GTPBP4: variants seen among roughly 807,000 people sequenced by gnomAD.
The protein encoded by GTPBP4 is GTP-binding protein 4.
In GTPBP4, 15 loss-of-function variants were observed where a neutral mutation model predicts 81.7. The observed-to-expected ratio is 0.18, with a 90% CI of 0.12 to 0.28. The LOEUF is 0.28. GTPBP4 is among the 10% of genes least tolerant of loss of function. GTPBP4 has a pLI of 1.00. For synonymous variants in GTPBP4, 272 were observed against 274.6 expected (o/e 0.99, Z 0.09); for missense variants, 847 against 793.8 (o/e 1.07, Z -0.81).
rs370212715 is a variant in GTPBP4, at chr10:996,032, A to G, written c.323A>G (p.Asn108Ser). 3.8e-5 allele frequency: 60 copies of G among 1,598,834 alleles called. No individual in the cohort carries two copies. The highest frequency in any genetic ancestry group is 5.0e-5 in the Non-Finnish European group (58 of 1,166,186). The change falls in exon 3 of 17, where the codon AAT becomes AGT. Residue 108 changes from asparagine to serine, a missense_variant and splice_region_variant. By Grantham distance (46) the Asn-to-Ser change is conservative. Coordinates refer to ENST00000360803, the MANE Select transcript of GTPBP4 (RefSeq NM_012341.3). Reference sequence around the variant, plus strand: ...AATATTGCCAAAAATTTAGTGGACAAGTAAGGTACTTTTTTCTGTAGTGTC... The same window carrying G: ...AATATTGCCAAAAATTTAGTGGACAGGTAAGGTACTTTTTTCTGTAGTGTC... ...QINIAKNLVDNVAKDYVRLMK... is the reference protein window; with the variant it reads ...QINIAKNLVDSVAKDYVRLMK...
chr10:1,001,497 T>TGAATCCTACAACCTTTTTA lies in GTPBP4; in HGVS notation c.912+485_912+503dup, dbSNP rs1831629873. 2.0e-5 allele frequency among the ~76,000 whole-genome samples: 3 copies of TGAATCCTACAACCTTTTTA among 152,352 alleles called. No homozygotes were observed. In the South Asian group the frequency reaches 6.2e-4, roughly 32 times the overall value. On this transcript the variant is annotated intron_variant, in intron 8 of 16. Transcript: ENST00000360803. ...GTTGGACATAATTTTTCAAACTGAT[T>TGAATCCTACAACCTTTTTA]GAATCCTACAACCTTTTTAATAGGC...
At position 988,474 on chromosome 10, in the gene GTPBP4, GC is replaced by G. The variant is rs1377679102; in HGVS notation, c.-4del. 2 of 1,612,740 alleles carry G rather than the reference GC, an allele frequency of 1.2e-6. No individual in the cohort carries two copies. The highest frequency in any genetic ancestry group is 1.7e-6 in the Non-Finnish European group (2 of 1,179,296). On this transcript the variant is annotated 5_prime_UTR_variant, in exon 1 of 17. Transcript: ENST00000360803. ...GCCAAGTACCCGCGTGCATACGGCT[GC>G]CGGCATGGCACATTACAACTTCAAG...
intron 2 of GTPBP4, among the ~76,000 whole-genome samples, 197 bp downstream of exon 2, chr10:992,856 G>C (rs138882447): frequency 1.8e-4 from 27 of 152,318 alleles, no homozygotes; most frequent in African/African-American, 6.3e-4. Context: ...TGATTCCCTA[G>C]TATTCTTTCT....
At chr10:996,705 T>A (rs1057243703) in intron 4 of GTPBP4, 5 of 156,836 alleles carry the variant, frequency 3.2e-5, no homozygotes, top group African/African-American at 1.2e-4. Context: ...AAATAATTTT[T>A]AACAAAATTT....
chr10:1,005,383 G>A (rs1039707865), intron 8 of GTPBP4, among the ~76,000 whole-genome samples: 2 of 152,120 alleles, frequency 1.3e-5, no homozygotes, highest in Non-Finnish European at 2.9e-5. Context: ...CTGACCTCAT[G>A]ATCCACCCGC....
At chr10:1,009,077 G>A (rs1831803944) in intron 11 of GTPBP4, 42 bp downstream of exon 11, 2 of 1,441,424 alleles carry the variant, frequency 1.4e-6, no homozygotes, top group Non-Finnish European at 2.0e-6. Flanking sequence ...CATGGGGGGA[G>A]GCAGGCTGTG....
At chr10:1,014,819 G>A (rs1042155043) in intron 15 of GTPBP4, among the ~76,000 whole-genome samples, 4 of 151,534 alleles carry the variant, frequency 2.6e-5, no homozygotes, top group Non-Finnish European at 1.5e-5. Context: ...CTGGGTCTGG[G>A]TTGAAGTGGT....
At position 999,031 on chromosome 10, in the gene GTPBP4, C is replaced by T. The variant is rs1020524639; in HGVS notation, c.590C>T (p.Pro197Leu). ...KVTRADVDVQPYAFTTKSLFV... is the reference protein window; with the variant it reads ...KVTRADVDVQLYAFTTKSLFV... ...ACGAGAGCAGACGTGGATGTCCAGC[C>T]CTATGCGTTCACAACCAAGTCTCTG... is the stretch of plus-strand genomic sequence containing the variant. Residue 197 changes from proline (P) to leucine (L), a missense_variant, in exon 6 of 17, where the codon CCC (proline) becomes CTC (leucine). Pro to Leu is a moderately conservative substitution (Grantham distance 98). Coordinates refer to ENST00000360803, the MANE Select transcript of GTPBP4 (RefSeq NM_012341.3). The T allele has an allele frequency of 6.2e-6, 10 of 1,608,058 alleles. No individual in the cohort carries two copies. The highest frequency in any genetic ancestry group is 4.0e-5 in the African/African-American group (3 of 74,842).
intron 5 of GTPBP4, among the ~76,000 whole-genome samples, chr10:998,479 C>T (rs1238298222): frequency 6.6e-6 from 1 of 152,230 alleles, no homozygotes; most frequent in African/African-American, 2.4e-5. Context: ...ACCAGCAAAG[C>T]TCTGCAGGGT....
chr10:999,841 C>T (rs879632186), intron 6 of GTPBP4, among the ~76,000 whole-genome samples: 8 of 152,162 alleles, frequency 5.3e-5, no homozygotes, highest in South Asian at 2.1e-4. Context: ...TGCCTGTAAT[C>T]CCAGCTACTT....
chr10:999,026 C>T lies in GTPBP4; in HGVS notation c.585C>T (p.Val195=). ...AGGTGACGAGAGCAGACGTGGATGT[C>T]CAGCCCTATGCGTTCACAACCAAGT... The part of the protein sequence containing the change: ...INKVTRADVD[V]QPYAFTTKSL... The change falls in exon 6 of 17, where the codon GTC becomes GTT. Residue 195 remains valine, a synonymous_variant. Transcript: ENST00000360803. 1 of 1,606,474 alleles carries T rather than the reference C, an allele frequency of 6.2e-7. No homozygotes were observed. The highest frequency in any genetic ancestry group is 1.3e-5 in the African/African-American group (1 of 74,934).
Position 1,007,273 on chromosome 10 carries a change from A to G in GTPBP4, c.1113+145A>G. ...GCCTCAGTTTCACCTTCTTGCTTACATAAAGGATCGAGAAGGTGAAGAAAG... is the reference window on the plus strand; with the variant it reads ...GCCTCAGTTTCACCTTCTTGCTTACGTAAAGGATCGAGAAGGTGAAGAAAG... On this transcript the variant is annotated intron_variant, in intron 10 of 16. Coordinates refer to ENST00000360803, the MANE Select transcript of GTPBP4 (RefSeq NM_012341.3). The G allele has an allele frequency of 5.0e-6, 3 of 597,220 alleles. No homozygotes were observed. The South Asian group carries it at 6.0e-5, about 12-fold the overall frequency. The allele number at this position is 597,220 out of a possible 1,614,324, so 37.0% of individuals were successfully genotyped here. A position where few individuals can be genotyped will look rare whatever the true frequency, so the allele number is the denominator to read the frequency against.
chr10:1,013,392 G>C (rs557775241), intron 14 of GTPBP4, among the ~76,000 whole-genome samples: 2 of 151,830 alleles, frequency 1.3e-5, no homozygotes, highest in Non-Finnish European at 2.9e-5. Context: ...GGTGGATCAC[G>C]AGGTCAGGAG....
intron 14 of GTPBP4, among the ~76,000 whole-genome samples, chr10:1,012,977 TTCTC>T (rs961801990): frequency 6.6e-6 from 1 of 152,244 alleles, no homozygotes; most frequent in African/African-American, 2.4e-5. Context: ...CTCTTCTTTT[TTCTC>T]TCTCTCTTTT....
At chr10:1,007,875 T>G (rs1264915987) in intron 10 of GTPBP4, 1 of 515,922 alleles carries the variant, frequency 1.9e-6, no homozygotes, top group Non-Finnish European at 3.9e-6. Flanking sequence ...TGTCTGCTTA[T>G]TGGCCTTTTC....
At chr10:1,003,523 C>T (rs573446920) in intron 8 of GTPBP4, among the ~76,000 whole-genome samples, 1 of 152,264 alleles carries the variant, frequency 6.6e-6, no homozygotes, top group African/African-American at 2.4e-5. Context: ...ACAGGAGCCT[C>T]TTTTATACTT....
At position 999,014 on chromosome 10, in the gene GTPBP4, A is replaced by G. The variant is rs772394354; in HGVS notation, c.573A>G (p.Ala191=). 1.3e-6 allele frequency: 2 copies of G among 1,595,092 alleles called. No individual in the cohort carries two copies. Among genetic ancestry groups the G allele is most frequent in the East Asian group, 2.2e-5 (1 of 44,804 alleles). Residue 191 remains alanine, a synonymous_variant, in exon 6 of 17, where the codon GCA becomes GCG. Coordinates refer to ENST00000360803, the MANE Select transcript of GTPBP4 (RefSeq NM_012341.3). The part of the protein sequence containing the change: ...KSSFINKVTR[A]DVDVQPYAFT... ...CTCACTTGTTCCAGGTGACGAGAGC[A>G]GACGTGGATGTCCAGCCCTATGCGT...
At chr10:990,439 G>A (rs559173218) in intron 1 of GTPBP4, among the ~76,000 whole-genome samples, 4 of 152,144 alleles carry the variant, frequency 2.6e-5, no homozygotes, top group South Asian at 2.1e-4. Context: ...GAGGTAAGTC[G>A]AGGCCGGGTG....
At chr10:1,000,554 T>A (rs1831608910) in intron 6 of GTPBP4, 123 bp from the exon 7 acceptor site, 1 of 477,704 alleles carries the variant, frequency 2.1e-6, no homozygotes, top group Non-Finnish European at 3.5e-6. Context: ...TTTTTTTTTT[T>A]AACTACAATT....
Sources: allele counts gnomAD v4.1 joint callset (sites outside exome capture counted in the v4.1 genomes callset), GRCh38; gene constraint gnomAD v4.1.1; transcripts MANE v1.5; gene names NCBI Gene and HGNC (gene_info 2026-07-23, HGNC 2026-07-21).